ARID1B: variants seen among roughly 807,000 people sequenced by gnomAD.
ARID1B encodes the protein AT-rich interaction domain 1B.
In ARID1B, 30 loss-of-function variants were observed where a neutral mutation model predicts 212.3. The observed-to-expected ratio is 0.14, with a 90% CI of 0.11 to 0.19. ARID1B has a LOEUF of 0.19. Among genes scored for constraint, ARID1B ranks in the 10% least tolerant of loss-of-function variants. ARID1B has a pLI of 1.00. For synonymous variants in ARID1B, 1,402 were observed against 1,301.7 expected (o/e 1.08, Z -1.66); for missense variants, 2,891 against 3,204.0 (o/e 0.90, Z 2.36).
intron 2 of ARID1B, among the ~76,000 whole-genome samples, chr6:156,881,138 T>G (rs1394946657): frequency 6.6e-6 from 1 of 152,196 alleles, no homozygotes; most frequent in Non-Finnish European, 1.5e-5. Flanking sequence ...GGTCTTCTCC[T>G]TCTCCCTGGG....
chr6:156,918,216 G>A (rs1057013067), intron 3 of ARID1B, among the ~76,000 whole-genome samples: 2 of 152,152 alleles, frequency 1.3e-5, no homozygotes, highest in African/African-American at 4.8e-5. Flanking sequence ...AGGGACAGAG[G>A]CTGTGATCCA....
At chr6:156,803,583 T>G (rs1215422827) in intron 1 of ARID1B, among the ~76,000 whole-genome samples, 1 of 152,098 alleles carries the variant, frequency 6.6e-6, no homozygotes. Flanking sequence ...GAATGCTTTA[T>G]TTTTGTTTTC....
intron 4 of ARID1B, among the ~76,000 whole-genome samples, chr6:157,060,382 A>C (rs918417033): frequency 2.6e-5 from 4 of 152,222 alleles, no homozygotes; most frequent in Non-Finnish European, 5.9e-5. Context: ...AATTATTTGC[A>C]AAGTAGTCTC....
intron 3 of ARID1B, among the ~76,000 whole-genome samples, chr6:156,923,305 GA>G (rs900463687): frequency 5.9e-5 from 9 of 152,084 alleles, no homozygotes; most frequent in African/African-American, 2.2e-4. Flanking sequence ...AACAGTCCTC[GA>G]AATTTATAGA....
intron 11 of ARID1B, among the ~76,000 whole-genome samples, chr6:157,178,913 A>G (rs1325472805): frequency 6.6e-6 from 1 of 152,208 alleles, no homozygotes; most frequent in African/African-American, 2.4e-5. Context: ...AGAGAGGACC[A>G]AACCAGGAAC....
intron 7 of ARID1B, among the ~76,000 whole-genome samples, chr6:157,144,958 A>G (rs543611884): frequency 6.6e-6 from 1 of 152,318 alleles, no homozygotes; most frequent in African/African-American, 2.4e-5. Flanking sequence ...TTCACGCCGA[A>G]GCAGTTTGCC....
At chr6:156,980,356 G>A (rs907446621) in intron 4 of ARID1B, among the ~76,000 whole-genome samples, 6 of 152,036 alleles carry the variant, frequency 3.9e-5, no homozygotes, top group African/African-American at 2.4e-5. Flanking sequence ...GGTGGTGGGC[G>A]CCTGTAATCC....
intron 4 of ARID1B, among the ~76,000 whole-genome samples, chr6:157,063,626 G>A (rs1412536130): frequency 1.3e-5 from 2 of 152,220 alleles, no homozygotes; most frequent in African/African-American, 4.8e-5. Flanking sequence ...AACATAAAAT[G>A]TGTGTAAAAT....
chr6:156,932,040 TG>T (rs1791771434), intron 3 of ARID1B, among the ~76,000 whole-genome samples: 1 of 123,236 alleles, frequency 8.1e-6, no homozygotes, highest in African/African-American at 3.1e-5. Flanking sequence ...GAGGCATGGG[TG>T]GGCTGAGGCA....
chr6:157,005,775 T>C (rs575589943), intron 4 of ARID1B, among the ~76,000 whole-genome samples: 23 of 152,280 alleles, frequency 1.5e-4, no homozygotes, highest in African/African-American at 5.5e-4. Context: ...TCAGATCTTT[T>C]AAAAATGCTT....
At chr6:157,139,833 C>G (rs1789210434) in intron 7 of ARID1B, among the ~76,000 whole-genome samples, 1 of 151,666 alleles carries the variant, frequency 6.6e-6, no homozygotes, top group Non-Finnish European at 1.5e-5. Flanking sequence ...AGCAATTTTC[C>G]TGCATCAGCC....
chr6:156,886,731 G>A (rs1267068424), intron 2 of ARID1B, among the ~76,000 whole-genome samples: 2 of 152,242 alleles, frequency 1.3e-5, no homozygotes, highest in African/African-American at 4.8e-5. Context: ...AGTTCCGGAA[G>A]TGTATGATAA....
intron 2 of ARID1B, among the ~76,000 whole-genome samples, chr6:156,866,422 T>C (rs1785698677): frequency 6.6e-6 from 1 of 152,204 alleles, no homozygotes; most frequent in Non-Finnish European, 1.5e-5. Flanking sequence ...CAGCTGGGTG[T>C]CGGACTTAAC....
chr6:157,064,083 G>C lies in ARID1B; in HGVS notation c.2248-20579G>C, dbSNP rs76385452. 8.1e-3 allele frequency among the ~76,000 whole-genome samples: 1,227 copies of C among 152,328 alleles called. 20 individuals are homozygous for C. The highest frequency in any genetic ancestry group is 0.028 in the African/African-American group (1,173 of 41,570). On this transcript the variant is annotated intron_variant, in intron 4 of 19. Coordinates refer to ENST00000636930, the MANE Select transcript of ARID1B (RefSeq NM_001374828.1). ...GCCGGAAACCTGCATCTCCACAGTA[G>C]GAATCCCATTCTGGTTGTGCAGTCA...
chr6:157,119,405 AGCCCCGGCTTCCTTTGCT>A (rs1336037798), intron 6 of ARID1B, among the ~76,000 whole-genome samples: 14 of 152,156 alleles, frequency 9.2e-5, no homozygotes, highest in African/African-American at 3.4e-4. Flanking sequence ...GTCCTTATCC[AGCCCCGGCTTCCTTTGCT>A]GGCCTCCCTG....
intron 6 of ARID1B, among the ~76,000 whole-genome samples, chr6:157,119,985 A>G (rs186861150): frequency 6.6e-6 from 1 of 152,360 alleles, no homozygotes; most frequent in Non-Finnish European, 1.5e-5. Context: ...GATATATTGC[A>G]CAATTCAAAT....
intron 4 of ARID1B, among the ~76,000 whole-genome samples, chr6:157,038,290 C>T (rs894012284): frequency 2.6e-5 from 4 of 152,098 alleles, no homozygotes; most frequent in African/African-American, 7.2e-5. Context: ...ATGACCCTCA[C>T]GTGACTCCTC....
At chr6:157,045,611 G>A (rs1782183466) in intron 4 of ARID1B, among the ~76,000 whole-genome samples, 1 of 152,086 alleles carries the variant, frequency 6.6e-6, no homozygotes, top group Non-Finnish European at 1.5e-5. Flanking sequence ...GAGTGAGTGT[G>A]ACTATAAGTT....
intron 4 of ARID1B, among the ~76,000 whole-genome samples, chr6:156,982,765 T>C (rs938372696): frequency 6.6e-6 from 1 of 152,196 alleles, no homozygotes; most frequent in African/African-American, 2.4e-5. Flanking sequence ...TTATTTCCTG[T>C]ATGCAATCAC....
Sources: allele counts gnomAD v4.1 joint callset (sites outside exome capture counted in the v4.1 genomes callset), GRCh38; gene constraint gnomAD v4.1.1; transcripts MANE v1.5; gene names NCBI Gene and HGNC (gene_info 2026-07-23, HGNC 2026-07-21).